The following ZBTB10 variants were observed in gnomAD, a reference collection of about 807,000 sequenced individuals.
The protein encoded by ZBTB10 is zinc finger and BTB domain containing 10.
In ZBTB10, 32 loss-of-function variants were observed where a neutral mutation model predicts 76.4. The ratio of observed to expected loss-of-function variants is 0.42; its 90% CI spans 0.32 to 0.56. The LOEUF is 0.56. Ranked by LOEUF, ZBTB10 falls within the 20% of genes least tolerant of loss-of-function variation. The pLI is 0.14. For missense variants in ZBTB10, 1,057 were observed against 1,098.5 expected (o/e 0.96, Z 0.53); for synonymous variants, 523 against 432.9 (o/e 1.21, Z -2.58).
rs1036425355 is a variant in ZBTB10, at chr8:80,523,959, A to G, written c.*4431A>G. 1.3e-5 allele frequency: 2 copies of G among 152,054 alleles called. No individual in the cohort carries two copies. The highest frequency in any genetic ancestry group is 3.8e-4 in the East Asian group (2 of 5,200). 9.4% of individuals were successfully genotyped at this position (152,054 alleles called of 1,614,324 possible). On this transcript the variant is annotated 3_prime_UTR_variant, in exon 6 of 6. Transcript: ENST00000455036. ...CTACCTAATATAAGTGTCCTAAGAC[A>G]TGTATGTAAACTTCCGGAACTGTTT...
In ZBTB10 at chr8:80,486,451, C is replaced by T. The variant is rs985919815; in HGVS notation, c.-360C>T. The T allele has an allele frequency of 6.1e-6, 6 of 984,854 alleles. No individual in the cohort carries two copies. Among genetic ancestry groups the T allele is most frequent in the East Asian group, 1.2e-4 (1 of 8,660 alleles). The allele number at this position is 984,854 out of a possible 1,614,324, so 61.0% of individuals were successfully genotyped here. A position where few individuals can be genotyped will look rare whatever the true frequency, so the allele number is the denominator to read the frequency against. ...TTAAAGAGGGGGCAGCGGAGGGTCT[C>T]CCCGCACTCCGCTGCTCAACTTCGA... On this transcript the variant is annotated 5_prime_UTR_variant, in exon 1 of 6. Coordinates refer to ENST00000455036, the MANE Select transcript of ZBTB10 (RefSeq NM_001105539.3).
rs1391579988 is a variant in ZBTB10, at chr8:80,486,548, C to G, written c.-263C>G. The G allele has an allele frequency of 1.0e-6, 1 of 986,202 alleles. No individual in the cohort carries two copies. Among genetic ancestry groups the G allele is most frequent in the Non-Finnish European group, 1.2e-6 (1 of 830,582 alleles). 61.1% of individuals were successfully genotyped at this position (986,202 alleles called of 1,614,324 possible). A position where few individuals can be genotyped will look rare whatever the true frequency, so the allele number is the denominator to read the frequency against. ...CCCCTTCTCCGCGCGGGACGCTGCC[C>G]GGAGCGCGGCGGGGCGGGGGTGGAG... On this transcript the variant is annotated 5_prime_UTR_variant, in exon 1 of 6. Transcript: ENST00000455036.
At chr8:80,492,245 C>G (rs1464057027) in intron 1 of ZBTB10, among the ~76,000 whole-genome samples, 1 of 152,096 alleles carries the variant, frequency 6.6e-6, no homozygotes, top group Non-Finnish European at 1.5e-5. Flanking sequence ...TTGTGCTTTT[C>G]AAACTTGTTA....
rs529332016 is a variant in ZBTB10, at chr8:80,486,289, C to T, written c.-522C>T. Reference sequence around the variant, plus strand: ...AAACGCTCCGCCGGCTTTATTGTCGCTTCGTTATGTGGCGGAGCCGAGCAG... The same window carrying T: ...AAACGCTCCGCCGGCTTTATTGTCGTTTCGTTATGTGGCGGAGCCGAGCAG... On this transcript the variant is annotated 5_prime_UTR_variant, in exon 1 of 6. Transcript: ENST00000455036. The T allele has an allele frequency of 1.8e-5, 18 of 1,014,484 alleles. 1 individual carries two copies. In the South Asian group the frequency reaches 5.7e-4, roughly 32 times the overall value. The allele number at this position is 1,014,484 out of a possible 1,614,324, so 62.8% of individuals were successfully genotyped here.
Position 80,500,399 on chromosome 8 carries a change from C to T in ZBTB10, c.1861+17C>T, listed in dbSNP as rs747408469. 6.6e-7 allele frequency: 1 copy of T among 1,508,090 alleles called. No individual in the cohort carries two copies. The highest frequency in any genetic ancestry group is 1.4e-5 in the South Asian group (1 of 73,654). 93.4% of individuals were successfully genotyped at this position (1,508,090 alleles called of 1,614,324 possible). On this transcript the variant is annotated intron_variant, in intron 2 of 5. Transcript: ENST00000455036. ...AAGAACCAGGTAAATATTATCTATA[C>T]AAGGATACTTCCTTGTTCATCCTAA...
At chr8:80,494,139 G>GTACTCT (rs1406131064) in intron 1 of ZBTB10, among the ~76,000 whole-genome samples, 3 of 152,168 alleles carry the variant, frequency 2.0e-5, no homozygotes, top group Non-Finnish European at 4.4e-5. Context: ...ATATTCCAGT[G>GTACTCT]GGTTGCTGCA....
At chr8:80,492,742 G>A (rs895635647) in intron 1 of ZBTB10, among the ~76,000 whole-genome samples, 1 of 152,064 alleles carries the variant, frequency 6.6e-6, no homozygotes, top group Admixed American at 6.5e-5. Context: ...CTCCGAGAGT[G>A]CTGGGATTAC....
chr8:80,501,218 G>C lies in ZBTB10; in HGVS notation c.1861+836G>C, dbSNP rs559328661. ...ATAGAAGCTATTTTGTTTGTCCACT[G>C]TCACCTGATTTTCATTCACCTTTGC... On this transcript the variant is annotated intron_variant, in intron 2 of 5. Transcript: ENST00000455036. 9.9e-5 allele frequency among the ~76,000 whole-genome samples: 15 copies of C among 152,270 alleles called. No homozygotes were observed. In the South Asian group the frequency reaches 2.7e-3, roughly 27 times the overall value.
chr8:80,502,164 C>T (rs183281409), intron 2 of ZBTB10, among the ~76,000 whole-genome samples: 5 of 152,262 alleles, frequency 3.3e-5, no homozygotes, highest in African/African-American at 1.2e-4. Flanking sequence ...TATCTCCTAG[C>T]CATGGTTGTG....
intron 2 of ZBTB10, among the ~76,000 whole-genome samples, chr8:80,513,099 C>T (rs1816239313): frequency 6.6e-6 from 1 of 152,048 alleles, no homozygotes; most frequent in Admixed American, 6.6e-5. Context: ...ATCTGTTTCA[C>T]TCCCATGGTT....
intron 2 of ZBTB10, among the ~76,000 whole-genome samples, chr8:80,503,045 G>A (rs1023304091): frequency 1.3e-5 from 2 of 152,154 alleles, no homozygotes; most frequent in Admixed American, 1.3e-4. Context: ...AGTTAAGGCT[G>A]AGATCAGCAA....
At position 80,522,982 on chromosome 8, in the gene ZBTB10, A is replaced by T. The variant is rs1221088546; in HGVS notation, c.*3454A>T. ...ATATTTTTTAGGATTTTCTGAACAT[A>T]GCATGAAGGGTTTAGATTCATTTTT... On this transcript the variant is annotated 3_prime_UTR_variant, in exon 6 of 6. Coordinates refer to ENST00000455036, the MANE Select transcript of ZBTB10 (RefSeq NM_001105539.3). 6.6e-6 allele frequency: 1 copy of T among 151,838 alleles called. No homozygotes were observed. Among genetic ancestry groups the T allele is most frequent in the Non-Finnish European group, 1.5e-5 (1 of 67,844 alleles). 9.4% of individuals were successfully genotyped at this position (151,838 alleles called of 1,614,324 possible). A position where few individuals can be genotyped will look rare whatever the true frequency, so the allele number is the denominator to read the frequency against.
chr8:80,509,596 C>T (rs60854535), intron 2 of ZBTB10, among the ~76,000 whole-genome samples: 3 of 152,238 alleles, frequency 2.0e-5, no homozygotes, highest in East Asian at 3.9e-4. Flanking sequence ...ATGACCAAGG[C>T]ACCAAGATTA....
chr8:80,519,018 G>T, intron 5 of ZBTB10, 64 bp downstream of exon 5: 1 of 1,500,100 alleles, frequency 6.7e-7, no homozygotes, highest in Non-Finnish European at 8.9e-7. Flanking sequence ...GAAGTTTAAA[G>T]GGATTTAAAC....
In ZBTB10 at chr8:80,486,414, G is replaced by T. The variant is rs1032734889; in HGVS notation, c.-397G>T. Reference sequence around the variant, plus strand: ...ATATCTGTGTGGAGGATCGGTGTGTGCGCGCGCGGCTTTAAAGAGGGGGCA... The same window carrying T: ...ATATCTGTGTGGAGGATCGGTGTGTTCGCGCGCGGCTTTAAAGAGGGGGCA... On this transcript the variant is annotated 5_prime_UTR_variant, in exon 1 of 6. Transcript: ENST00000455036. 1.3e-4 allele frequency: 127 copies of T among 974,424 alleles called. No homozygotes were observed. Among genetic ancestry groups the T allele is most frequent in the Non-Finnish European group, 1.5e-4 (123 of 821,332 alleles). The allele number at this position is 974,424 out of a possible 1,614,324, so 60.4% of individuals were successfully genotyped here.
chr8:80,494,764 A>T (rs908718587), intron 1 of ZBTB10, among the ~76,000 whole-genome samples: 9 of 151,860 alleles, frequency 5.9e-5, no homozygotes, highest in Non-Finnish European at 1.2e-4. Flanking sequence ...ACAAAAATTT[A>T]AAAAAATAAA....
chr8:80,517,133 G>A (rs118035077), intron 3 of ZBTB10, among the ~76,000 whole-genome samples: 3,891 of 152,302 alleles, frequency 0.026, 77 homozygotes, highest in South Asian at 0.051. Context: ...CTTTTACTGT[G>A]AGGGTGGGTA....
At chr8:80,509,001 A>G (rs1217697275) in intron 2 of ZBTB10, among the ~76,000 whole-genome samples, 1 of 152,160 alleles carries the variant, frequency 6.6e-6, no homozygotes, top group African/African-American at 2.4e-5. Context: ...CTTTGGAATA[A>G]TGCAAGGAAG....
chr8:80,493,207 G>GCGCGCGCGCGCGCGCACACA (rs375071529), intron 1 of ZBTB10, among the ~76,000 whole-genome samples: 6 of 125,292 alleles, frequency 4.8e-5, no homozygotes, highest in Admixed American at 3.1e-4. Flanking sequence ...GCGCGCGCGC[G>GCGCGCGCGCGCGCGCACACA]CACACACACA....
Sources: allele counts gnomAD v4.1 joint callset (sites outside exome capture counted in the v4.1 genomes callset), GRCh38; gene constraint gnomAD v4.1.1; transcripts MANE v1.5; gene names NCBI Gene and HGNC (gene_info 2026-07-23, HGNC 2026-07-21).